Variants in POU2AF1 observed in about 807,000 individuals in gnomAD.
POU2AF1 encodes POU domain class 2-associating factor 1.
POU2AF1 carries 12 observed loss-of-function variants against 26.3 expected under a neutral mutation model. The observed-to-expected ratio is 0.46, with a 90% CI of 0.29 to 0.74. The LOEUF is 0.74. POU2AF1 is among the 30% of genes least tolerant of loss of function. The pLI is 0.09. For synonymous variants in POU2AF1, 175 were observed against 148.0 expected, an observed-to-expected ratio of 1.18 and a Z score of -1.32; for missense variants, 297 against 334.5, an observed-to-expected ratio of 0.89 and a Z score of 0.87.
intron 1 of POU2AF1, among the ~76,000 whole-genome samples, chr11:111,372,095 G>GAGAGAGA (rs1861225321): frequency 7.4e-6 from 1 of 134,960 alleles, no homozygotes; most frequent in African/African-American, 2.7e-5. Flanking sequence ...GAGAGATGAA[G>GAGAGAGA]GAGCAGCCTG....
At chr11:111,373,718 T>C (rs1033515647) in intron 1 of POU2AF1, among the ~76,000 whole-genome samples, 2 of 147,910 alleles carry the variant, frequency 1.4e-5, no homozygotes, top group African/African-American at 5.0e-5. Context: ...TAATTATCTG[T>C]AGAATGGAAA....
intron 1 of POU2AF1, among the ~76,000 whole-genome samples, chr11:111,360,639 C>T (rs1257300258): frequency 6.6e-6 from 1 of 152,168 alleles, no homozygotes; most frequent in Non-Finnish European, 1.5e-5. Context: ...GGTCCTGCTC[C>T]AGGAAAGTCT....
rs769808920 is a variant in POU2AF1 at position 111,358,808 on chromosome 11, C to A, written c.127G>T (p.Ala43Ser). 1 of 1,602,270 alleles carries A rather than the reference C, an allele frequency of 6.2e-7. No individual in the cohort carries two copies. Among genetic ancestry groups the A allele is most frequent in the Non-Finnish European group, 8.5e-7 (1 of 1,177,540 alleles). Reference protein sequence around the residue: ...RRKRGHASSGAAPAPTAVVLP... With the variant: ...RRKRGHASSGSAPAPTAVVLP... ...CTCACCGCCGTAGGTGCAGGTGCTG[C>A]CCCACTGCTGGCGTGGCCTCGCTTC... The change falls in exon 2 of 5, where the codon GCA becomes TCA. Residue 43 changes from alanine (A) to serine (S), a missense_variant. By Grantham distance (99) the Ala-to-Ser change is moderately conservative. Coordinates refer to ENST00000393067, the MANE Select transcript of POU2AF1 (RefSeq NM_006235.3).
At chr11:111,358,570 ACACACT>A (rs1860928549) in intron 2 of POU2AF1, among the ~76,000 whole-genome samples, 1 of 145,674 alleles carries the variant, frequency 6.9e-6, no homozygotes, top group African/African-American at 2.5e-5. Flanking sequence ...GCATACACTC[ACACACT>A]CACACTCCCT....
chr11:111,358,584 C>CCT (rs1266723538), intron 2 of POU2AF1, among the ~76,000 whole-genome samples: 1 of 126,098 alleles, frequency 7.9e-6, no homozygotes, highest in Non-Finnish European at 1.8e-5. Context: ...ACTCACACTC[C>CCT]CTCACACACA....
At chr11:111,360,724 T>C (rs1162755471) in intron 1 of POU2AF1, among the ~76,000 whole-genome samples, 1 of 152,104 alleles carries the variant, frequency 6.6e-6, no homozygotes, top group African/African-American at 2.4e-5. Flanking sequence ...GGTGAGTGGA[T>C]CACAAGGTCA....
Position 111,357,869 on chromosome 11 carries a change from G to A in POU2AF1, c.148-32C>T, listed in dbSNP as rs763258356. 2.5e-6 allele frequency: 4 copies of A among 1,582,406 alleles called. No individual in the cohort carries two copies. The African/African-American group carries it at 4.1e-5, about 16-fold the overall frequency. Reference sequence around the variant, plus strand: ...GGGAGAGGAGAAGACCAGGGTCAATGTTTAGCCCTCGTCAACCGGCCCTGT... The same window carrying A: ...GGGAGAGGAGAAGACCAGGGTCAATATTTAGCCCTCGTCAACCGGCCCTGT... On this transcript the variant is annotated intron_variant, in intron 2 of 4. Transcript: ENST00000393067.
At chr11:111,367,825 A>G (rs914814828) in intron 1 of POU2AF1, among the ~76,000 whole-genome samples, 9 of 152,174 alleles carry the variant, frequency 5.9e-5, no homozygotes, top group African/African-American at 1.9e-4. Context: ...GACCCAAACA[A>G]TTCCCCGCAA....
intron 1 of POU2AF1, among the ~76,000 whole-genome samples, chr11:111,373,485 A>G (rs1861250723): frequency 6.6e-6 from 1 of 152,236 alleles, no homozygotes; most frequent in Non-Finnish European, 1.5e-5. Flanking sequence ...ACACTGCCCT[A>G]AGCAGATAGA....
At chr11:111,363,701 T>G (rs1861053256) in intron 1 of POU2AF1, 2 of 526,474 alleles carry the variant, frequency 3.8e-6, no homozygotes, top group Non-Finnish European at 4.9e-6. Flanking sequence ...ACCAGGAGAT[T>G]GAAATAATAA....
chr11:111,375,388 A>ATTTTTTT (rs1565368329), intron 1 of POU2AF1, among the ~76,000 whole-genome samples: 2 of 49,074 alleles, frequency 4.1e-5, no homozygotes, highest in African/African-American at 6.7e-5. Flanking sequence ...GATACTGAGT[A>ATTTTTTT]TCTTTTTTTT....
chr11:111,365,620 C>T (rs1222136727), intron 1 of POU2AF1, among the ~76,000 whole-genome samples: 1 of 152,174 alleles, frequency 6.6e-6, no homozygotes, highest in Non-Finnish European at 1.5e-5. Flanking sequence ...AACAAACTTG[C>T]CCTGGCTTCT....
chr11:111,360,661 G>T (rs1316659541), intron 1 of POU2AF1, among the ~76,000 whole-genome samples: 1 of 152,164 alleles, frequency 6.6e-6, no homozygotes, highest in African/African-American at 2.4e-5. Flanking sequence ...ATTCTAGGGG[G>T]CTGATATAGG....
At chr11:111,368,434 T>C (rs7103447) in intron 1 of POU2AF1, among the ~76,000 whole-genome samples, 89,854 of 151,802 alleles carry the variant, frequency 0.59, 27,223 homozygotes, top group Admixed American at 0.68. Flanking sequence ...CTTGGCTGAT[T>C]GGCCCACCAA....
rs1023156401 is a variant in POU2AF1 at position 111,353,074 on chromosome 11, G to T, written c.*1187C>A. On this transcript the variant is annotated 3_prime_UTR_variant, in exon 5 of 5. Transcript: ENST00000393067. ...GGAAGGAAAGAAACAAAACCCACATGGTAGCACTAAGCCTAGGCGAGGACC... is the reference window on the plus strand; with the variant it reads ...GGAAGGAAAGAAACAAAACCCACATTGTAGCACTAAGCCTAGGCGAGGACC... 1 of 219,610 alleles carries T rather than the reference G, an allele frequency of 4.6e-6. No homozygotes were observed. Among genetic ancestry groups the T allele is most frequent in the African/African-American group, 2.3e-5 (1 of 44,068 alleles). The allele number at this position is 219,610 out of a possible 1,614,324, so 13.6% of individuals were successfully genotyped here. A position where few individuals can be genotyped will look rare whatever the true frequency, so the allele number is the denominator to read the frequency against.
In POU2AF1 at chr11:111,371,786, G is replaced by T. The variant is rs141942459; in HGVS notation, c.16+7376C>A. On this transcript the variant is annotated intron_variant, in intron 1 of 4. Coordinates refer to ENST00000393067, the MANE Select transcript of POU2AF1 (RefSeq NM_006235.3). ...GAAAACCCCTACCACAATCCCATAAGGTAAGAGTCACACCTCTGGTGCATG... is the reference window on the plus strand; with the variant it reads ...GAAAACCCCTACCACAATCCCATAATGTAAGAGTCACACCTCTGGTGCATG... Among the ~76,000 whole-genome samples, 42 of 152,120 alleles carry T rather than the reference G, an allele frequency of 2.8e-4. No individual in the cohort carries two copies. In the East Asian group the frequency reaches 8.1e-3, roughly 29 times the overall value.
Position 111,354,279 on chromosome 11 carries a change from G to A in POU2AF1, c.753C>T (p.Leu251=). The A allele has an allele frequency of 1.2e-6, 2 of 1,614,196 alleles. No homozygotes were observed. The highest frequency in any genetic ancestry group is 1.7e-6 in the Non-Finnish European group (2 of 1,180,020). ...DSDAYALNHT[L]SVEGF The stretch of plus-strand genomic sequence containing the variant: ...GCCACGCCTAAAAGCCTTCCACAGA[G>A]AGAGTGTGGTTAAGCGCATAGGCGT... Residue 251 remains leucine, a synonymous_variant, in exon 5 of 5, where the codon CTC becomes CTT. Transcript: ENST00000393067.
At chr11:111,359,371 C>A in intron 1 of POU2AF1, 1 of 217,978 alleles carries the variant, frequency 4.6e-6, no homozygotes, top group Non-Finnish European at 9.2e-6. Flanking sequence ...ACCCTCCTGC[C>A]TGACCCCTGC....
chr11:111,372,890 C>T (rs933106403), intron 1 of POU2AF1, among the ~76,000 whole-genome samples: 3 of 152,120 alleles, frequency 2.0e-5, no homozygotes, highest in African/African-American at 7.2e-5. Flanking sequence ...TTTGCTATTC[C>T]TTTTTCTTCT....
Sources: gnomAD v4.1 joint callset for allele counts (sites outside exome capture counted in the v4.1 genomes callset) on GRCh38, gnomAD v4.1.1 for gene constraint, MANE v1.5 for transcripts, NCBI Gene and HGNC (gene_info 2026-07-23, HGNC 2026-07-21) for gene names.